The following CACNG5 variants were observed in gnomAD, a reference collection of about 807,000 sequenced individuals.
CACNG5 encodes calcium voltage-gated channel auxiliary subunit gamma 5, also known as voltage-dependent calcium channel gamma-5 subunit.
Under a neutral mutation model 24.8 loss-of-function variants are expected in CACNG5, and 18 were observed. The ratio of observed to expected loss-of-function variants is 0.73; its 90% CI spans 0.50 to 1.08. The LOEUF is 1.08. Ranked by LOEUF, CACNG5 falls within the 50% of genes least tolerant of loss-of-function variation. CACNG5 has a pLI of 0.00. For missense variants in CACNG5, 349 were observed against 367.9 expected, an observed-to-expected ratio of 0.95 and a Z score of 0.42; for synonymous variants, 157 against 149.1, an observed-to-expected ratio of 1.05 and a Z score of -0.39.
At position 66,877,573 on chromosome 17, in the gene CACNG5, C is replaced by A. The variant is rs751552430; in HGVS notation, c.196+45C>A. 71 of 1,542,744 alleles carry A rather than the reference C, an allele frequency of 4.6e-5. No individual in the cohort carries two copies. In the South Asian group the frequency reaches 6.1e-4, roughly 13 times the overall value. ...GGGACAGCCCTGCCCCCTGACATCA[C>A]CTGCCCCAAGAGGTCCCTCCCTGGG... On this transcript the variant is annotated intron_variant, in intron 2 of 5. Transcript: ENST00000533854.
At chr17:66,867,446 T>C (rs2143089042) in intron 1 of CACNG5, among the ~76,000 whole-genome samples, 1 of 152,370 alleles carries the variant, frequency 6.6e-6, no homozygotes, top group South Asian at 2.1e-4. Flanking sequence ...TGATAGTTTC[T>C]TTTGCTGTGC....
intron 1 of CACNG5, among the ~76,000 whole-genome samples, chr17:66,842,189 G>A (rs1176898870): frequency 2.0e-5 from 3 of 152,086 alleles, no homozygotes; most frequent in African/African-American, 7.3e-5. Flanking sequence ...CGGTGGGGGA[G>A]TGGCTTATCA....
intron 1 of CACNG5, among the ~76,000 whole-genome samples, chr17:66,874,076 G>A (rs1568070264): frequency 6.6e-6 from 1 of 152,034 alleles, no homozygotes; most frequent in Admixed American, 6.6e-5. Context: ...GCTTGGGAGT[G>A]GGGCAAGGTA....
chr17:66,863,539 G>T (rs1333623462), intron 1 of CACNG5, among the ~76,000 whole-genome samples: 1 of 151,974 alleles, frequency 6.6e-6, no homozygotes, highest in Admixed American at 6.6e-5. Flanking sequence ...GCTAATTTTT[G>T]TATTTTTAGT....
At chr17:66,880,945 G>A (rs959209720) in intron 4 of CACNG5, among the ~76,000 whole-genome samples, 6 of 152,084 alleles carry the variant, frequency 3.9e-5, no homozygotes, top group African/African-American at 7.2e-5. Flanking sequence ...TTCCATGTTG[G>A]CCAGGTTGAT....
In CACNG5 at chr17:66,880,648, C is replaced by T; in HGVS notation, c.375C>T (p.Pro125=). The change falls in exon 4 of 6, where the codon CCC becomes CCT. Residue 125 remains proline (P), a synonymous_variant. Transcript: ENST00000533854. ...TGAACAACATCGGACACATCCGTCC[C>T]CACCGGACGATACTGGCCTTTGTCT... ...FILNNIGHIR[P]HRTILAFVSG... The T allele has an allele frequency of 1.1e-5, 18 of 1,614,146 alleles. No individual in the cohort carries two copies. Among genetic ancestry groups the T allele is most frequent in the Non-Finnish European group, 1.5e-5 (18 of 1,179,942 alleles).
chr17:66,864,972 G>A (rs1334587431), intron 1 of CACNG5, among the ~76,000 whole-genome samples: 2 of 152,108 alleles, frequency 1.3e-5, no homozygotes, highest in Admixed American at 1.3e-4. Flanking sequence ...ATGTTGCCCA[G>A]GCTAGTCTTG....
At chr17:66,839,119 G>A (rs980051970) in intron 1 of CACNG5, among the ~76,000 whole-genome samples, 5 of 151,692 alleles carry the variant, frequency 3.3e-5, no homozygotes, top group African/African-American at 9.7e-5. Context: ...GTGTCACCAC[G>A]CCCAGCTAAT....
rs1257046396 is a variant in CACNG5 at position 66,887,726 on chromosome 17, A to G, written c.*2486A>G. Among the ~76,000 whole-genome samples, 2 of 152,182 alleles carry G rather than the reference A, an allele frequency of 1.3e-5. No individual in the cohort carries two copies. The highest frequency in any genetic ancestry group is 2.9e-5 in the Non-Finnish European group (2 of 68,024). On this transcript the variant is annotated 3_prime_UTR_variant, in exon 6 of 6. Coordinates refer to ENST00000533854, the MANE Select transcript of CACNG5 (RefSeq NM_145811.3). Reference sequence around the variant, plus strand: ...ATACAAGTTGATTGTGGACTCAGACATCACTAGGTTCGGTCTTCACTGGCC... The same window carrying G: ...ATACAAGTTGATTGTGGACTCAGACGTCACTAGGTTCGGTCTTCACTGGCC...
intron 1 of CACNG5, among the ~76,000 whole-genome samples, chr17:66,855,799 G>C (rs945241151): frequency 2.6e-5 from 4 of 152,132 alleles, no homozygotes; most frequent in Non-Finnish European, 5.9e-5. Context: ...ACCCGGCCAT[G>C]CATATGTATT....
In CACNG5 at chr17:66,886,326, G is replaced by A. The variant is rs542186176; in HGVS notation, c.*1086G>A. 2.0e-4 allele frequency among the ~76,000 whole-genome samples: 30 copies of A among 152,272 alleles called. No homozygotes were observed. Among genetic ancestry groups the A allele is most frequent in the African/African-American group, 7.0e-4 (29 of 41,566 alleles). ...TCCGAAGGCTGCCTGTGAACATTGGGGGGTTGCCAATTTAATCCTAATATA... is the reference window on the plus strand; with the variant it reads ...TCCGAAGGCTGCCTGTGAACATTGGAGGGTTGCCAATTTAATCCTAATATA... On this transcript the variant is annotated 3_prime_UTR_variant, in exon 6 of 6. Transcript: ENST00000533854.
chr17:66,852,382 C>G (rs1269311445), intron 1 of CACNG5, among the ~76,000 whole-genome samples: 1 of 152,062 alleles, frequency 6.6e-6, no homozygotes, highest in Non-Finnish European at 1.5e-5. Context: ...GCAGCAAATC[C>G]CCTCTCATAT....
At position 66,892,491 on chromosome 17, in the gene CACNG5, A is replaced by G. The variant is rs576719416; in HGVS notation, c.*7251A>G. ...GGCTCTGACTATCAAGTTCAGGTCA[A>G]TCTTCATCACTGGTCTTTGAATAAT... On this transcript the variant is annotated 3_prime_UTR_variant, in exon 6 of 6. Transcript: ENST00000533854. 5.9e-5 allele frequency among the ~76,000 whole-genome samples: 9 copies of G among 152,386 alleles called. No homozygotes were observed. The South Asian group carries it at 1.9e-3, about 32-fold the overall frequency.
At chr17:66,857,330 G>A (rs1458606912) in intron 1 of CACNG5, among the ~76,000 whole-genome samples, 1 of 152,036 alleles carries the variant, frequency 6.6e-6, no homozygotes, top group African/African-American at 2.4e-5. Context: ...ATAGGCATGA[G>A]CCACCTTGCC....
At chr17:66,858,561 G>T (rs1186992595) in intron 1 of CACNG5, among the ~76,000 whole-genome samples, 2 of 152,184 alleles carry the variant, frequency 1.3e-5, no homozygotes, top group Non-Finnish European at 2.9e-5. Context: ...AGGAGGGGTG[G>T]CATGAGCCAG....
chr17:66,864,497 T>G (rs979870332), intron 1 of CACNG5, among the ~76,000 whole-genome samples: 1 of 152,246 alleles, frequency 6.6e-6, no homozygotes, highest in Non-Finnish European at 1.5e-5. Flanking sequence ...ACCTCTAAAC[T>G]ATTGGTTTCC....
intron 1 of CACNG5, among the ~76,000 whole-genome samples, chr17:66,864,392 C>T (rs147585515): frequency 8.7e-4 from 132 of 152,328 alleles, no homozygotes; most frequent in African/African-American, 3.1e-3. Flanking sequence ...GCCTCTCAGA[C>T]TCTCATTCTG....
chr17:66,848,345 G>T (rs1433757665), intron 1 of CACNG5, among the ~76,000 whole-genome samples: 1 of 152,196 alleles, frequency 6.6e-6, no homozygotes, highest in Admixed American at 6.5e-5. Context: ...GGGCTCCATA[G>T]GTGACTGAAG....
intron 2 of CACNG5, among the ~76,000 whole-genome samples, chr17:66,878,185 T>C (rs747529943): frequency 4.6e-4 from 70 of 152,346 alleles, no homozygotes; most frequent in Middle Eastern, 3.4e-3. Context: ...ATTCTATCCT[T>C]TATCCCTTTA....
Sources: gnomAD v4.1 joint callset for allele counts (sites outside exome capture counted in the v4.1 genomes callset) on GRCh38, gnomAD v4.1.1 for gene constraint, MANE v1.5 for transcripts, NCBI Gene and HGNC (gene_info 2026-07-23, HGNC 2026-07-21) for gene names.